The following ACSL5 variants were observed in gnomAD, a reference collection of about 807,000 sequenced individuals.
ACSL5 encodes long-chain-fatty-acid--CoA ligase 5.
A neutral mutation model predicts 84.9 loss-of-function variants in ACSL5; 50 were observed. That is an observed-to-expected ratio of 0.59 (90% CI 0.47 to 0.75). The LOEUF (loss-of-function observed/expected upper bound fraction) is 0.75, where lower values mean the gene tolerates loss of function less well. Ranked by LOEUF, ACSL5 falls within the 30% of genes least tolerant of loss-of-function variation. The probability of loss-of-function intolerance (pLI) is 0.00; values close to 1 mark genes in which losing one functional copy is unlikely to be tolerated. For synonymous variants in ACSL5, 280 were observed against 300.7 expected (o/e 0.93, Z 0.71); for missense variants, 775 against 830.4 (o/e 0.93, Z 0.82).
chr10:112,410,894 C>T (rs568048664), intron 9 of ACSL5, among the ~76,000 whole-genome samples: 5 of 152,198 alleles, frequency 3.3e-5, no homozygotes, highest in African/African-American at 1.2e-4. Context: ...TCCTTTCCCC[C>T]GCCCCCACCA....
intron 13 of ACSL5, among the ~76,000 whole-genome samples, chr10:112,417,483 G>C (rs1844343348): frequency 6.7e-6 from 1 of 149,894 alleles, no homozygotes; most frequent in Non-Finnish European, 1.5e-5. Flanking sequence ...AGCCTGGGCA[G>C]TAGGGCCAGA....
At chr10:112,374,765 T>A (rs1014512842) in intron 1 of ACSL5, among the ~76,000 whole-genome samples, 1 of 152,198 alleles carries the variant, frequency 6.6e-6, no homozygotes, top group Non-Finnish European at 1.5e-5. Flanking sequence ...GCAGGTGGTA[T>A]CCTTCCCATT....
intron 12 of ACSL5, among the ~76,000 whole-genome samples, chr10:112,415,958 A>G (rs1341641590): frequency 1.3e-5 from 2 of 152,176 alleles, no homozygotes; most frequent in Non-Finnish European, 2.9e-5. Flanking sequence ...GTGAGGTCAG[A>G]GTCAGGGAGA....
intron 1 of ACSL5, among the ~76,000 whole-genome samples, chr10:112,387,692 T>A (rs1267147502): frequency 6.6e-6 from 1 of 152,160 alleles, no homozygotes; most frequent in Non-Finnish European, 1.5e-5. Context: ...TAATTCCTAG[T>A]ATGGAAGAAT....
chr10:112,401,900 T>TTTTC (rs767134292), intron 3 of ACSL5, among the ~76,000 whole-genome samples: 2 of 150,656 alleles, frequency 1.3e-5, no homozygotes, highest in African/African-American at 2.4e-5. Flanking sequence ...CTTTCTTTCC[T>TTTTC]TTTCTTTCTT....
At chr10:112,406,820 A>AG (rs1844050004) in intron 5 of ACSL5, 1 of 152,290 alleles carries the variant, frequency 6.6e-6, no homozygotes, top group African/African-American at 2.4e-5. Flanking sequence ...ATGAGAGCAA[A>AG]GGGGGTGGAA....
intron 7 of ACSL5, 79 bp downstream of exon 7, chr10:112,409,764 G>A (rs1414578344): frequency 6.9e-7 from 1 of 1,442,904 alleles, no homozygotes; most frequent in Non-Finnish European, 9.6e-7. Flanking sequence ...TTCCCAAGAG[G>A]ACAGTGTTCT....
chr10:112,379,013 G>A (rs1849297117), intron 1 of ACSL5, among the ~76,000 whole-genome samples: 1 of 152,218 alleles, frequency 6.6e-6, no homozygotes, highest in Non-Finnish European at 1.5e-5. Context: ...TTGTGAGGTT[G>A]CGAGTGGCTC....
chr10:112,403,351 G>A (rs1843949213), intron 3 of ACSL5, among the ~76,000 whole-genome samples: 2 of 152,188 alleles, frequency 1.3e-5, no homozygotes, highest in Admixed American at 6.5e-5. Flanking sequence ...GCAATGGCAC[G>A]ATCTCAACTC....
intron 12 of ACSL5, among the ~76,000 whole-genome samples, chr10:112,414,352 CTTTTT>C (rs34464188): frequency 1.2e-5 from 1 of 85,498 alleles, no homozygotes; most frequent in African/African-American, 4.6e-5. Flanking sequence ...TTCAGTGATT[CTTTTT>C]TTTTTTTTTT....
chr10:112,422,551 TGGAGGG>T, intron 17 of ACSL5, 110 bp downstream of exon 17: 2 of 1,013,004 alleles, frequency 2.0e-6, no homozygotes, highest in Non-Finnish European at 3.0e-6. Context: ...CTGAGGCAGC[TGGAGGG>T]GATTAGGTTT....
chr10:112,398,765 A>T (rs901218165), intron 2 of ACSL5, 136 bp from the exon 3 acceptor site: 4 of 697,502 alleles, frequency 5.7e-6, no homozygotes, highest in African/African-American at 5.4e-5. Flanking sequence ...GATTTTTAAA[A>T]ATCAATTGAC....
chr10:112,416,913 T>C lies in ACSL5; in HGVS notation c.1109T>C (p.Leu370Ser), dbSNP rs1181369194. ...DKVQNEAKTP[L>S]KKFLLKLAVS... ...GTACAAAATGAGGCCAAGACACCCT[T>C]GAAGAAGTTCTTGTTGAAGCTGGCT... Residue 370 changes from leucine (L) to serine (S), a missense_variant, in exon 13 of 21, where the codon TTG becomes TCG. Physicochemically the swap from Leu to Ser is moderately radical, Grantham distance 145. Transcript: ENST00000354655. 1.2e-6 allele frequency: 2 copies of C among 1,614,120 alleles called. No individual in the cohort carries two copies. Among genetic ancestry groups the C allele is most frequent in the South Asian group, 2.2e-5 (2 of 91,080 alleles).
intron 1 of ACSL5, among the ~76,000 whole-genome samples, chr10:112,391,397 A>G (rs1843634960): frequency 1.3e-5 from 2 of 151,632 alleles, no homozygotes; most frequent in Non-Finnish European, 2.9e-5. Flanking sequence ...GGAAGGAACC[A>G]TGTGAAATTC....
chr10:112,377,600 G>A (rs1173275525), intron 1 of ACSL5, among the ~76,000 whole-genome samples: 1 of 152,138 alleles, frequency 6.6e-6, no homozygotes, highest in Non-Finnish European at 1.5e-5. Flanking sequence ...TTTAAAAAAG[G>A]AGTAATTGGT....
intron 1 of ACSL5, chr10:112,394,642 G>A (rs1843706057): frequency 1.3e-6 from 1 of 771,174 alleles, no homozygotes; most frequent in Non-Finnish European, 1.6e-6. Flanking sequence ...AATTGTTTGG[G>A]AAATGATTAA....
chr10:112,425,769 C>T lies in ACSL5; in HGVS notation c.1737+288C>T, dbSNP rs1284214248. On this transcript the variant is annotated intron_variant, in intron 18 of 20. Transcript: ENST00000354655. ...TGAGCTCCACATTGCACTTAGTTCC[C>T]ATTCCTTAAGGAGTTCCTTAAAGCT... is the stretch of plus-strand genomic sequence containing the variant. 3.9e-5 allele frequency among the ~76,000 whole-genome samples: 6 copies of T among 152,104 alleles called. No individual in the cohort carries two copies. The East Asian group carries it at 1.2e-3, about 29-fold the overall frequency.
chr10:112,391,963 T>A (rs1843651444), intron 1 of ACSL5, among the ~76,000 whole-genome samples: 1 of 152,160 alleles, frequency 6.6e-6, no homozygotes, highest in Non-Finnish European at 1.5e-5. Flanking sequence ...CCCACCCCCA[T>A]ATCACCACAA....
chr10:112,417,907 T>A lies in ACSL5; in HGVS notation c.1280T>A (p.Val427Asp). The A allele has an allele frequency of 6.2e-7, 1 of 1,613,122 alleles. No individual in the cohort carries two copies. The highest frequency in any genetic ancestry group is 1.3e-5 in the African/African-American group (1 of 74,952). The stretch of plus-strand genomic sequence containing the variant: ...GGAGCTGCCCCCATGTCCACTTCAG[T>A]CATGACATTCTTCCGGGCAGCAATG... ...VTGAAPMSTS[V>D]MTFFRAAMGC... Residue 427 changes from valine to aspartate, a missense_variant, in exon 14 of 21, where the codon GTC (valine) becomes GAC (aspartate). Coordinates refer to ENST00000354655, the MANE Select transcript of ACSL5 (RefSeq NM_203379.2).
Sources: allele counts gnomAD v4.1 joint callset (sites outside exome capture counted in the v4.1 genomes callset), GRCh38; gene constraint gnomAD v4.1.1; transcripts MANE v1.5; gene names NCBI Gene and HGNC (gene_info 2026-07-23, HGNC 2026-07-21).